Variants in MARK4 observed in about 807,000 individuals in gnomAD.
MARK4 encodes the protein MAP/microtubule affinity-regulating kinase 4.
Under a neutral mutation model 81.5 loss-of-function variants are expected in MARK4, and 19 were observed. The ratio of observed to expected loss-of-function variants is 0.23; its 90% CI spans 0.16 to 0.34. The LOEUF is 0.34. Ranked by LOEUF, MARK4 falls within the 10% of genes least tolerant of loss-of-function variation. The pLI, the probability that MARK4 is intolerant of heterozygous loss-of-function variation, is 1.00. For synonymous variants in MARK4, 436 were observed against 439.0 expected, an observed-to-expected ratio of 0.99 and a Z score of 0.08; for missense variants, 772 against 1,058.8, an observed-to-expected ratio of 0.73 and a Z score of 3.76.
chr19:45,279,696 T>G (rs1341239383), intron 10 of MARK4, among the ~76,000 whole-genome samples: 1 of 152,172 alleles, frequency 6.6e-6, no homozygotes, highest in Non-Finnish European at 1.5e-5. Flanking sequence ...TAGTGATGAT[T>G]TATTCTGCCA....
chr19:45,277,766 G>C (rs975530948), intron 8 of MARK4, among the ~76,000 whole-genome samples, 157 bp from the exon 9 acceptor site: 1 of 151,236 alleles, frequency 6.6e-6, no homozygotes, highest in Non-Finnish European at 1.5e-5. Flanking sequence ...TGCTTACCTC[G>C]TCAAGGACTG....
chr19:45,266,244 A>G lies in MARK4; in HGVS notation c.512A>G (p.Tyr171Cys). The G allele has an allele frequency of 1.2e-6, 2 of 1,613,692 alleles. No individual in the cohort carries two copies. The highest frequency in any genetic ancestry group is 1.7e-6 in the Non-Finnish European group (2 of 1,179,776). ...TCCCAGATTGTTTCGGCTGTGCACT[A>G]TTGTCACCAGAAAAATATTGTACAC... ...KFRQIVSAVH[Y>C]CHQKNIVHRD... Residue 171 changes from tyrosine (Y) to cysteine (C), a missense_variant, in exon 7 of 17, where the codon TAT becomes TGT. Transcript: ENST00000262891.
Position 45,271,731 on chromosome 19 carries a change from G to A in MARK4, c.786+23G>A, listed in dbSNP as rs1238115215. 4.4e-6 allele frequency: 7 copies of A among 1,604,498 alleles called. No homozygotes were observed. In the East Asian group the frequency reaches 1.3e-4, roughly 31 times the overall value. On this transcript the variant is annotated intron_variant, in intron 8 of 16. Coordinates refer to ENST00000262891, the MANE Select transcript of MARK4 (RefSeq NM_001199867.2). This position sits in a 1 kb window ranked among gnomAD's most constrained non-coding sequence, Gnocchi z 4.1. Reference sequence around the variant, plus strand: ...AAGGTACCGAGAGGGGCTGGGTGCAGGGGCATCAGCCCCTCCCCACAGTCA... The same window carrying A: ...AAGGTACCGAGAGGGGCTGGGTGCAAGGGCATCAGCCCCTCCCCACAGTCA...
At chr19:45,287,796 A>G (rs556791893) in intron 13 of MARK4, 132 bp downstream of exon 13, 7 of 1,062,148 alleles carry the variant, frequency 6.6e-6, no homozygotes, top group South Asian at 5.4e-5. Flanking sequence ...CATTCATTCA[A>G]CAAACATTTA....
intron 12 of MARK4, among the ~76,000 whole-genome samples, chr19:45,281,198 G>A (rs996382995): frequency 2.0e-5 from 3 of 150,500 alleles, no homozygotes; most frequent in Non-Finnish European, 3.0e-5. Context: ...GATTACAGGC[G>A]CCTGCCATAA....
intron 15 of MARK4, chr19:45,298,246 C>T: frequency 6.2e-7 from 1 of 1,611,576 alleles, no homozygotes. Flanking sequence ...ATGCCCTGTT[C>T]TCGCTGGCTC....
chr19:45,276,487 G>C (rs1970599069), intron 8 of MARK4, among the ~76,000 whole-genome samples: 1 of 152,160 alleles, frequency 6.6e-6, no homozygotes, highest in South Asian at 2.1e-4. Flanking sequence ...TGTCTCTTTG[G>C]ACAGCAGGCA....
At chr19:45,299,727 G>T (rs1970941682) in intron 15 of MARK4, 84 bp from the exon 16 acceptor site, 2 of 1,307,748 alleles carry the variant, frequency 1.5e-6, no homozygotes, top group East Asian at 2.6e-5. Context: ...GGCAGGGGCT[G>T]CTTGGAGTCC....
intron 10 of MARK4, 176 bp from the exon 11 acceptor site, chr19:45,280,198 A>G (rs1970652826): frequency 1.7e-6 from 1 of 600,988 alleles, no homozygotes. Flanking sequence ...AAAATACAAA[A>G]ACTGAGGTGG....
intron 1 of MARK4, among the ~76,000 whole-genome samples, chr19:45,254,835 T>C (rs926743882): frequency 4.9e-4 from 75 of 152,338 alleles, no homozygotes; most frequent in African/African-American, 1.7e-3. Flanking sequence ...TTCCCTGGGC[T>C]ACTGCAGGAA....
chr19:45,274,832 C>T (rs1187579297), intron 8 of MARK4, among the ~76,000 whole-genome samples: 2 of 152,230 alleles, frequency 1.3e-5, no homozygotes, highest in Non-Finnish European at 2.9e-5. Context: ...CCCCACCAGG[C>T]ACCCCAGGCC....
At chr19:45,275,340 C>G (rs970117239) in intron 8 of MARK4, among the ~76,000 whole-genome samples, 16 of 152,142 alleles carry the variant, frequency 1.1e-4, no homozygotes, top group Non-Finnish European at 1.6e-4. Context: ...TTTAAATTAG[C>G]CTGGCATTGT....
chr19:45,282,886 G>A (rs907905957), intron 12 of MARK4, among the ~76,000 whole-genome samples: 11 of 151,990 alleles, frequency 7.2e-5, no homozygotes, highest in Non-Finnish European at 1.3e-4. Flanking sequence ...CAGCTACTTG[G>A]GAGGCTGAGG....
In MARK4 at chr19:45,297,787, T is replaced by C; in HGVS notation, c.1710T>C (p.His570=). 6.5e-7 allele frequency: 1 copy of C among 1,526,766 alleles called. No individual in the cohort carries two copies. Among genetic ancestry groups the C allele is most frequent in the Non-Finnish European group, 8.8e-7 (1 of 1,132,904 alleles). 94.6% of individuals were successfully genotyped at this position (1,526,766 alleles called of 1,614,324 possible). A position where few individuals can be genotyped will look rare whatever the true frequency, so the allele number is the denominator to read the frequency against. ...ARGSTIRSTF[H]GGQVRDRRAG... ...GTTCCACCATCCGCAGCACCTTCCATGGTGGCCAGGTCCGGGACCGGCGGG... is the reference window on the plus strand; with the variant it reads ...GTTCCACCATCCGCAGCACCTTCCACGGTGGCCAGGTCCGGGACCGGCGGG... Residue 570 remains histidine (H), a synonymous_variant, in exon 15 of 17, where the codon CAT becomes CAC. Coordinates refer to ENST00000262891, the MANE Select transcript of MARK4 (RefSeq NM_001199867.2).
chr19:45,278,973 C>T (rs1236316014), intron 10 of MARK4, among the ~76,000 whole-genome samples: 1 of 152,098 alleles, frequency 6.6e-6, no homozygotes, highest in Non-Finnish European at 1.5e-5. Flanking sequence ...AATCCCAGCA[C>T]TTTGGGAGGT....
At chr19:45,293,004 A>G (rs1006088382) in intron 13 of MARK4, among the ~76,000 whole-genome samples, 1 of 152,204 alleles carries the variant, frequency 6.6e-6, no homozygotes, top group Non-Finnish European at 1.5e-5. Flanking sequence ...GTGGTGGCTC[A>G]TGCCTGTAAT....
rs988821305 is a variant in MARK4 at position 45,303,939 on chromosome 19, C to T, written c.*1229C>T. 7 of 152,314 alleles carry T rather than the reference C, an allele frequency of 4.6e-5. No individual in the cohort carries two copies. Among genetic ancestry groups the T allele is most frequent in the African/African-American group, 1.7e-4 (7 of 41,462 alleles). The allele number at this position is 152,314 out of a possible 1,614,324, so 9.4% of individuals were successfully genotyped here. On this transcript the variant is annotated 3_prime_UTR_variant, in exon 17 of 17. Coordinates refer to ENST00000262891, the MANE Select transcript of MARK4 (RefSeq NM_001199867.2). ...CCAGAAGTGGGAGTATGTGGTATAT[C>T]TTCAGAGAACTGGGTAATTTCAGTG... is the stretch of plus-strand genomic sequence containing the variant.
At position 45,262,197 on chromosome 19, in the gene MARK4, T is replaced by C. The variant is rs138890330; in HGVS notation, c.253-916T>C. On this transcript the variant is annotated intron_variant, in intron 2 of 16. Coordinates refer to ENST00000262891, the MANE Select transcript of MARK4 (RefSeq NM_001199867.2). Reference sequence around the variant, plus strand: ...TCCTGTTAGCCAAATGTTGGTGGCATGTGCCTGTGGTCCCAGCTACTTGGG... The same window carrying C: ...TCCTGTTAGCCAAATGTTGGTGGCACGTGCCTGTGGTCCCAGCTACTTGGG... Among the ~76,000 whole-genome samples, 714 of 152,162 alleles carry C rather than the reference T, an allele frequency of 4.7e-3. 4 individuals carry two copies. Among genetic ancestry groups the C allele is most frequent in the African/African-American group, 0.017 (693 of 41,532 alleles).
chr19:45,279,754 C>CA (rs1368115934), intron 10 of MARK4, among the ~76,000 whole-genome samples: 1 of 152,070 alleles, frequency 6.6e-6, no homozygotes, highest in African/African-American at 2.4e-5. Flanking sequence ...CAGTTGTATC[C>CA]AGGTGCTCAG....
Sources: allele counts gnomAD v4.1 joint callset (sites outside exome capture counted in the v4.1 genomes callset), GRCh38; gene constraint gnomAD v4.1.1; non-coding constraint Gnocchi (gnomAD v3.1); transcripts MANE v1.5; gene names NCBI Gene and HGNC (gene_info 2026-07-23, HGNC 2026-07-21).